Variants in MTMR3 observed in about 807,000 individuals in gnomAD.
MTMR3 encodes the protein myotubularin related protein 3.
In MTMR3, 32 loss-of-function variants were observed where a neutral mutation model predicts 132.4. The ratio of observed to expected loss-of-function variants is 0.24; its 90% CI spans 0.18 to 0.32. The LOEUF is 0.32. Among genes scored for constraint, MTMR3 ranks in the 10% least tolerant of loss-of-function variants. The pLI is 1.00. For missense variants in MTMR3, 1,216 were observed against 1,489.6 expected, an observed-to-expected ratio of 0.82 and a Z score of 3.02; for synonymous variants, 556 against 550.3, an observed-to-expected ratio of 1.01 and a Z score of -0.14.
chr22:29,883,441 G>A (rs1266605366), intron 1 of MTMR3, 82 bp downstream of exon 1: 1 of 153,004 alleles, frequency 6.5e-6, no homozygotes, highest in Non-Finnish European at 1.5e-5. Context: ...CCCGGCCCTG[G>A]CCAGGCGGCT....
chr22:29,967,196 TGTGTGTGTG>T (rs2066440926), intron 2 of MTMR3, among the ~76,000 whole-genome samples: 2 of 16,388 alleles, frequency 1.2e-4, no homozygotes, highest in Admixed American at 5.4e-4. Flanking sequence ...ACCTCTGTTG[TGTGTGTGTG>T]TGTGTGTGTG....
intron 1 of MTMR3, among the ~76,000 whole-genome samples, chr22:29,894,502 C>A (rs1568993113): frequency 1.1e-5 from 1 of 95,096 alleles, no homozygotes; most frequent in East Asian, 3.6e-4. Flanking sequence ...AGTTCTGTAT[C>A]CGTGTGTGTG....
intron 17 of MTMR3, 24 bp downstream of exon 17, chr22:30,020,908 C>A: frequency 6.5e-7 from 1 of 1,546,150 alleles, no homozygotes; most frequent in Non-Finnish European, 8.7e-7. Flanking sequence ...GGTATTCCTC[C>A]ATAGCTGCCC....
At chr22:29,992,870 A>G (rs547125115) in intron 7 of MTMR3, 1 of 152,306 alleles carries the variant, frequency 6.6e-6, no homozygotes, top group East Asian at 1.9e-4. Context: ...ATGTTTAACA[A>G]TGCTTTGATA....
At chr22:29,913,130 C>T (rs2065245781) in intron 1 of MTMR3, among the ~76,000 whole-genome samples, 1 of 152,044 alleles carries the variant, frequency 6.6e-6, no homozygotes. Flanking sequence ...CACCTATAGT[C>T]CCAGCTACTC....
At chr22:30,013,110 C>T in intron 13 of MTMR3, 1 of 315,412 alleles carries the variant, frequency 3.2e-6, no homozygotes. Context: ...TAAAAATACA[C>T]ATTCAAGAAA....
intron 2 of MTMR3, among the ~76,000 whole-genome samples, chr22:29,960,239 G>A (rs1275445613): frequency 2.0e-5 from 3 of 152,116 alleles, no homozygotes; most frequent in Admixed American, 2.0e-4. Context: ...TTTACCAAAG[G>A]GGGGAATATT....
intron 1 of MTMR3, among the ~76,000 whole-genome samples, chr22:29,918,075 A>G (rs1189377297): frequency 6.6e-6 from 1 of 152,194 alleles, no homozygotes; most frequent in Non-Finnish European, 1.5e-5. Context: ...TAATTTAGAA[A>G]AAATTAGTAA....
At chr22:29,915,905 G>A (rs1383281899) in intron 1 of MTMR3, among the ~76,000 whole-genome samples, 1 of 152,008 alleles carries the variant, frequency 6.6e-6, no homozygotes, top group Admixed American at 6.6e-5. Context: ...TTTTAGTGGA[G>A]ATATACTTAT....
At chr22:30,014,077 C>G (rs567572442) in intron 14 of MTMR3, 7 of 152,806 alleles carry the variant, frequency 4.6e-5, no homozygotes, top group African/African-American at 1.7e-4. Flanking sequence ...TGTAGTGTCT[C>G]TCATCTTTTT....
At chr22:29,893,473 A>G (rs766235812) in intron 1 of MTMR3, among the ~76,000 whole-genome samples, 16 of 152,184 alleles carry the variant, frequency 1.1e-4, no homozygotes, top group Non-Finnish European at 1.5e-4. Context: ...CATGGACTCC[A>G]TGGTTTGCTG....
chr22:30,009,344 A>C (rs950701316), intron 12 of MTMR3: 8 of 514,326 alleles, frequency 1.6e-5, no homozygotes, highest in Middle Eastern at 1.0e-3. Flanking sequence ...GGGAGAAAAT[A>C]CAGCCATTTG....
At chr22:29,937,743 A>G (rs1243669218) in intron 1 of MTMR3, among the ~76,000 whole-genome samples, 1 of 152,216 alleles carries the variant, frequency 6.6e-6, no homozygotes, top group Non-Finnish European at 1.5e-5. Flanking sequence ...AGAAAAATAA[A>G]TTTAGAAAAC....
chr22:29,973,597 C>G (rs1440687395), intron 3 of MTMR3, among the ~76,000 whole-genome samples: 2 of 152,080 alleles, frequency 1.3e-5, no homozygotes, highest in African/African-American at 2.4e-5. Flanking sequence ...GTCTCTCCTT[C>G]CCATGTACTT....
At chr22:29,988,377 C>T in intron 5 of MTMR3, 103 bp from the exon 6 acceptor site, 1 of 751,762 alleles carries the variant, frequency 1.3e-6, no homozygotes, top group African/African-American at 1.7e-5. Context: ...ATTTTTGTTG[C>T]TTTCCCTTAT....
At chr22:29,907,141 C>G (rs2065119349) in intron 1 of MTMR3, among the ~76,000 whole-genome samples, 1 of 151,902 alleles carries the variant, frequency 6.6e-6, no homozygotes, top group Non-Finnish European at 1.5e-5. Context: ...TGGGTCACAC[C>G]TGTAATCCCA....
In MTMR3 at chr22:30,020,804, G is replaced by A. The variant is rs2067725153; in HGVS notation, c.3145G>A (p.Val1049Ile). ...GGAAGTAGAAACTTTGAAGAAACAA[G>A]TCCAGGAGCTGAAGAGTCGCCTGGA... is the stretch of plus-strand genomic sequence containing the variant. ...QQEVETLKKQ[V>I]QELKSRLESQ... The change falls in exon 17 of 20, where the codon GTC becomes ATC. Residue 1049 changes from valine to isoleucine, a missense_variant. Physicochemically the swap from Val to Ile is conservative, Grantham distance 29. This residue lies in a region of MTMR3 where 852 missense variants were observed against 852.0 expected (regional missense o/e 1.00). Transcript: ENST00000401950. 3 of 1,613,306 alleles carry A rather than the reference G, an allele frequency of 1.9e-6. No homozygotes were observed. The highest frequency in any genetic ancestry group is 2.5e-6 in the Non-Finnish European group (3 of 1,179,682).
chr22:29,903,837 A>C (rs2065045958), intron 1 of MTMR3, among the ~76,000 whole-genome samples: 1 of 152,036 alleles, frequency 6.6e-6, no homozygotes, highest in African/African-American at 2.4e-5. Context: ...TATTTAGAAA[A>C]CTGAATATTG....
At chr22:29,930,497 C>T (rs544339743) in intron 1 of MTMR3, among the ~76,000 whole-genome samples, 5 of 151,928 alleles carry the variant, frequency 3.3e-5, no homozygotes, top group South Asian at 2.1e-4. Flanking sequence ...CCCAGGAGTT[C>T]GAGACCAGCC....
Sources: gnomAD v4.1 joint callset for allele counts (sites outside exome capture counted in the v4.1 genomes callset) on GRCh38, gnomAD v4.1.1 for gene constraint, gnomAD v4.1.1 regional missense constraint, MANE v1.5 for transcripts, NCBI Gene and HGNC (gene_info 2026-07-23, HGNC 2026-07-21) for gene names.